Variants in GABRB2 observed in about 807,000 individuals in gnomAD.
GABRB2 encodes the protein gamma-aminobutyric acid type A receptor subunit beta2.
A neutral mutation model predicts 54.7 loss-of-function variants in GABRB2; 16 were observed. The observed-to-expected ratio is 0.29, with a 90% confidence interval of 0.20 to 0.44. GABRB2 has a LOEUF of 0.44. GABRB2 is among the 20% of genes least tolerant of loss of function. GABRB2 has a pLI of 1.00. For synonymous variants in GABRB2, 244 were observed against 233.8 expected (o/e 1.04, Z -0.40); for missense variants, 355 against 644.0 (o/e 0.55, Z 4.86).
At chr5:161,413,678 A>G (rs1387093261) in intron 4 of GABRB2, among the ~76,000 whole-genome samples, 1 of 152,232 alleles carries the variant, frequency 6.6e-6, no homozygotes, top group African/African-American at 2.4e-5. Context: ...GGCATATTAA[A>G]CACCAATGCT....
chr5:161,346,569 C>T (rs986643951), intron 5 of GABRB2, among the ~76,000 whole-genome samples: 8 of 152,092 alleles, frequency 5.3e-5, no homozygotes, highest in African/African-American at 1.7e-4. Context: ...CCATCTTAAC[C>T]CATTCTTTTG....
chr5:161,333,772 G>C (rs1381332919), intron 7 of GABRB2, among the ~76,000 whole-genome samples: 1 of 152,066 alleles, frequency 6.6e-6, no homozygotes, highest in Non-Finnish European at 1.5e-5. Context: ...TATCACCCAG[G>C]TATCCACATT....
chr5:161,501,956 AAATAT>A (rs1371744058), intron 3 of GABRB2, among the ~76,000 whole-genome samples: 4 of 148,488 alleles, frequency 2.7e-5, no homozygotes, highest in Non-Finnish European at 6.0e-5. Flanking sequence ...TATGTAAAGT[AAATAT>A]AATATAAATT....
chr5:161,506,554 T>C (rs541305270), intron 3 of GABRB2, among the ~76,000 whole-genome samples: 3 of 152,314 alleles, frequency 2.0e-5, no homozygotes, highest in African/African-American at 7.2e-5. Flanking sequence ...CAGTGGATCA[T>C]AGCCACAGCC....
intron 6 of GABRB2, among the ~76,000 whole-genome samples, chr5:161,335,842 C>T (rs948037149): frequency 2.0e-4 from 31 of 152,116 alleles, no homozygotes; most frequent in African/African-American, 7.5e-4. Context: ...AGAGCTTTTG[C>T]CTGAAGTGGT....
At position 161,527,879 on chromosome 5, in the gene GABRB2, A is replaced by G. The variant is rs2113447259; in HGVS notation, c.237+17348T>C. 1.3e-5 allele frequency among the ~76,000 whole-genome samples: 2 copies of G among 151,730 alleles called. 1 individual carries two copies. The highest frequency in any genetic ancestry group is 4.2e-4 in the South Asian group (2 of 4,818). On this transcript the variant is annotated intron_variant, in intron 3 of 9. Transcript: ENST00000393959. ...GTGAATATAAACTAGCACACTTTTA[A>G]GGAACCGTGGCTTTGTAACAAGTAT... is the stretch of plus-strand genomic sequence containing the variant.
chr5:161,333,945 C>A (rs906703433), intron 7 of GABRB2, among the ~76,000 whole-genome samples: 5 of 152,176 alleles, frequency 3.3e-5, no homozygotes, highest in Non-Finnish European at 5.9e-5. Context: ...TATTGTATAT[C>A]TTTTACTGCT....
intron 8 of GABRB2, among the ~76,000 whole-genome samples, chr5:161,329,060 T>C (rs1009269797): frequency 1.3e-5 from 2 of 152,216 alleles, no homozygotes; most frequent in African/African-American, 2.4e-5. Flanking sequence ...TCTGAAGCTC[T>C]GCAGGTTCAG....
intron 8 of GABRB2, chr5:161,326,944 A>G (rs932360544): frequency 1.6e-5 from 15 of 964,028 alleles, no homozygotes; most frequent in Admixed American, 1.2e-4. Context: ...ATAAACAAGG[A>G]AACAATATAA....
chr5:161,493,970 A>G (rs1224719075), intron 3 of GABRB2, among the ~76,000 whole-genome samples: 1 of 151,786 alleles, frequency 6.6e-6, no homozygotes. Context: ...TGATTTAGTG[A>G]TTCCACAATG....
At chr5:161,536,001 G>A (rs552370304) in intron 3 of GABRB2, among the ~76,000 whole-genome samples, 1 of 152,118 alleles carries the variant, frequency 6.6e-6, no homozygotes, top group African/African-American at 2.4e-5. Flanking sequence ...ACAGGAAGCC[G>A]GTTCCATGTC....
At chr5:161,546,252 G>A (rs754238790) in intron 2 of GABRB2, 70 bp downstream of exon 2, 136 of 1,240,536 alleles carry the variant, frequency 1.1e-4, no homozygotes, top group Non-Finnish European at 1.6e-4. Flanking sequence ...GGAGAGGGAA[G>A]AGAGCGCGCA....
chr5:161,443,353 C>T (rs1392570913), intron 4 of GABRB2, among the ~76,000 whole-genome samples: 4 of 152,006 alleles, frequency 2.6e-5, no homozygotes, highest in East Asian at 1.9e-4. Flanking sequence ...CAAAGGTGAG[C>T]CAAGGATCCC....
chr5:161,402,948 T>C (rs1398956242), intron 5 of GABRB2, among the ~76,000 whole-genome samples: 1 of 151,688 alleles, frequency 6.6e-6, no homozygotes, highest in Non-Finnish European at 1.5e-5. Context: ...CCTGATCATT[T>C]GAATTTTTTA....
chr5:161,492,491 C>T (rs1408989540), intron 3 of GABRB2, among the ~76,000 whole-genome samples: 2 of 151,770 alleles, frequency 1.3e-5, no homozygotes, highest in South Asian at 2.1e-4. Context: ...GTGTTAAACA[C>T]GTCACACGGC....
At chr5:161,338,226 A>G (rs1292733083) in intron 5 of GABRB2, among the ~76,000 whole-genome samples, 1 of 152,198 alleles carries the variant, frequency 6.6e-6, no homozygotes, top group Non-Finnish European at 1.5e-5. Flanking sequence ...CCCTTTATTC[A>G]TAAGAGTAGC....
At chr5:161,450,430 T>C (rs1454855086) in intron 4 of GABRB2, among the ~76,000 whole-genome samples, 3 of 152,194 alleles carry the variant, frequency 2.0e-5, no homozygotes, top group Non-Finnish European at 4.4e-5. Flanking sequence ...CCCTGGATTA[T>C]TTCCTAGGGT....
intron 9 of GABRB2, among the ~76,000 whole-genome samples, chr5:161,313,104 G>C (rs1757922371): frequency 6.6e-6 from 1 of 152,180 alleles, no homozygotes; most frequent in African/African-American, 2.4e-5. Flanking sequence ...GAAGGATGCA[G>C]GTCAAGCTGT....
rs1408126217 is a variant in GABRB2, at chr5:161,290,917, C to A, written c.*3164G>T. On this transcript the variant is annotated 3_prime_UTR_variant, in exon 10 of 10. Coordinates refer to ENST00000393959, the MANE Select transcript of GABRB2 (RefSeq NM_001371727.1). The stretch of plus-strand genomic sequence containing the variant: ...TGTTCCTAATGCTAGAATGTAAAGT[C>A]TTTTGGTTCATAAACCATTTTTATT... 1 of 152,472 alleles carries A rather than the reference C, an allele frequency of 6.6e-6. No homozygotes were observed. Among genetic ancestry groups the A allele is most frequent in the Non-Finnish European group, 1.5e-5 (1 of 67,976 alleles). 9.4% of individuals were successfully genotyped at this position (152,472 alleles called of 1,614,324 possible).
Sources: allele counts gnomAD v4.1 joint callset (sites outside exome capture counted in the v4.1 genomes callset), GRCh38; gene constraint gnomAD v4.1.1; transcripts MANE v1.5; gene names NCBI Gene and HGNC (gene_info 2026-07-23, HGNC 2026-07-21).